DNAJC11: variants seen among roughly 807,000 people sequenced by gnomAD.
DNAJC11 encodes the protein DnaJ heat shock protein family (Hsp40) member C11, also known as dnaJ homolog subfamily C member 11.
DNAJC11 carries 15 observed loss-of-function variants against 78.6 expected under a neutral mutation model. The observed-to-expected ratio is 0.19, with a 90% CI of 0.13 to 0.29. The LOEUF is 0.29. Among genes scored for constraint, DNAJC11 ranks in the 10% least tolerant of loss-of-function variants. The pLI is 1.00. For synonymous variants in DNAJC11, 292 were observed against 272.1 expected, an observed-to-expected ratio of 1.07 and a Z score of -0.72; for missense variants, 547 against 709.6, an observed-to-expected ratio of 0.77 and a Z score of 2.60.
chr1:6,677,573 A>G (rs918885015), intron 3 of DNAJC11, among the ~76,000 whole-genome samples: 1 of 152,210 alleles, frequency 6.6e-6, no homozygotes, highest in Non-Finnish European at 1.5e-5. Flanking sequence ...TTAGGATTAC[A>G]GGTGTGAGCC....
chr1:6,685,352 C>G (rs149530829), intron 1 of DNAJC11, among the ~76,000 whole-genome samples: 224 of 152,300 alleles, frequency 1.5e-3, no homozygotes, highest in African/African-American at 5.0e-3. Context: ...CTTTTTCACT[C>G]TCATCCTTTC....
At chr1:6,654,235 C>A in intron 4 of DNAJC11, 196 bp from the exon 5 acceptor site, 1 of 508,520 alleles carries the variant, frequency 2.0e-6, no homozygotes, top group Non-Finnish European at 3.5e-6. Flanking sequence ...CAGAGCACCA[C>A]AGACGTCCAG....
At chr1:6,644,892 C>T in intron 9 of DNAJC11, 149 bp downstream of exon 9, 1 of 848,540 alleles carries the variant, frequency 1.2e-6, no homozygotes, top group Non-Finnish European at 2.0e-6. Flanking sequence ...AGTGTTAAAT[C>T]CCCCACAGCC....
At chr1:6,684,142 G>A (rs1252295242) in intron 1 of DNAJC11, among the ~76,000 whole-genome samples, 3 of 147,714 alleles carry the variant, frequency 2.0e-5, no homozygotes, top group Non-Finnish European at 4.4e-5. Flanking sequence ...GTGCAGTGCT[G>A]TGATCTCAGC....
In DNAJC11 at chr1:6,645,060, G is replaced by A. The variant is rs1641944510; in HGVS notation, c.961C>T (p.Arg321Cys). Residue 321 changes from arginine to cysteine, a missense_variant, in exon 9 of 16, where the codon CGT becomes TGT. By Grantham distance (180) the Arg-to-Cys change is radical (BLOSUM62 -3). Coordinates refer to ENST00000377577, the MANE Select transcript of DNAJC11 (RefSeq NM_018198.4). This position sits in a 1 kb window ranked among gnomAD's most constrained non-coding sequence, Gnocchi z 4.1. ...QHKFQDDDQT[R>C]VKGSLKAGFF... ...ACTTACTTGAGGGATCCTTTCACAC[G>A]AGTCTGATCGTCATCTTGGAATTTG... The A allele has an allele frequency of 2.5e-6, 4 of 1,614,020 alleles. No individual in the cohort carries two copies. Among genetic ancestry groups the A allele is most frequent in the Non-Finnish European group, 1.7e-6 (2 of 1,179,962 alleles).
At chr1:6,658,498 T>C (rs1642163359) in intron 4 of DNAJC11, among the ~76,000 whole-genome samples, 1 of 152,110 alleles carries the variant, frequency 6.6e-6, no homozygotes, top group Admixed American at 6.6e-5. Flanking sequence ...CATGTAAACA[T>C]GACAGAAGAA....
intron 4 of DNAJC11, among the ~76,000 whole-genome samples, chr1:6,659,945 A>G (rs1642183540): frequency 1.4e-5 from 2 of 147,926 alleles, no homozygotes; most frequent in African/African-American, 5.0e-5. Context: ...AGTTCCAGCT[A>G]CTCGGGAGGC....
Position 6,645,059 on chromosome 1 carries a change from C to T in DNAJC11, c.962G>A (p.Arg321His), listed in dbSNP as rs372201952. 7.4e-6 allele frequency: 12 copies of T among 1,613,948 alleles called. No homozygotes were observed. Among genetic ancestry groups the T allele is most frequent in the East Asian group, 2.2e-5 (1 of 44,886 alleles). Residue 321 changes from arginine (R) to histidine (H), a missense_variant, in exon 9 of 16, where the codon CGT (arginine) becomes CAT (histidine). Coordinates refer to ENST00000377577, the MANE Select transcript of DNAJC11 (RefSeq NM_018198.4). This position sits in a 1 kb window ranked among gnomAD's most constrained non-coding sequence, Gnocchi z 4.1. ...GACTTACTTGAGGGATCCTTTCACA[C>T]GAGTCTGATCGTCATCTTGGAATTT... ...QHKFQDDDQT[R>H]VKGSLKAGFF... is the part of the protein sequence containing the mutation.
intron 4 of DNAJC11, among the ~76,000 whole-genome samples, chr1:6,656,638 G>T (rs1019932883): frequency 6.6e-6 from 1 of 151,878 alleles, no homozygotes; most frequent in Non-Finnish European, 1.5e-5. Flanking sequence ...CAGTACTTTG[G>T]GAGGCTGAGG....
chr1:6,651,389 C>T, intron 7 of DNAJC11, 140 bp downstream of exon 7: 1 of 742,760 alleles, frequency 1.3e-6, no homozygotes, highest in Non-Finnish European at 2.3e-6. Flanking sequence ...CACGCCAGTG[C>T]TATACCTGCC....
In DNAJC11 at chr1:6,635,553, C is replaced by A; in HGVS notation, c.*122G>T. 2.8e-6 allele frequency: 3 copies of A among 1,085,206 alleles called. No homozygotes were observed. The allele number at this position is 1,085,206 out of a possible 1,614,324, so 67.2% of individuals were successfully genotyped here. A position where few individuals can be genotyped will look rare whatever the true frequency, so the allele number is the denominator to read the frequency against. ...TCCCTTCACATAATTGATAATGGTA[C>A]CACCTTCTATAATAATAATATAAAA... On this transcript the variant is annotated 3_prime_UTR_variant, in exon 16 of 16. Coordinates refer to ENST00000377577, the MANE Select transcript of DNAJC11 (RefSeq NM_018198.4).
chr1:6,680,678 C>T lies in DNAJC11; in HGVS notation c.202+230G>A, dbSNP rs1248133072. 6.6e-6 allele frequency among the ~76,000 whole-genome samples: 1 copy of T among 152,192 alleles called. No homozygotes were observed. The highest frequency in any genetic ancestry group is 2.4e-5 in the African/African-American group (1 of 41,448). ...CTTGAGTATTCCCTTGCAATTGAGA[C>T]TCTGTCTATTACCTCGCCCGGTCTC... On this transcript the variant is annotated intron_variant, in intron 2 of 15. Transcript: ENST00000377577. This position sits in a 1 kb window ranked among gnomAD's most constrained non-coding sequence, Gnocchi z 4.0.
chr1:6,697,151 G>A (rs886342380), intron 1 of DNAJC11, among the ~76,000 whole-genome samples: 1 of 152,170 alleles, frequency 6.6e-6, no homozygotes, highest in African/African-American at 2.4e-5. Flanking sequence ...TGTGCCCAGT[G>A]AGTGATAAAG....
rs1341841675 is a variant in DNAJC11 at position 6,646,710 on chromosome 1, A to G, written c.705-732T>C. ...AGTCCAGCCCCATCTTCTGGTTGAA[A>G]AGAGGTATTTCATTTTACTAACAGA... On this transcript the variant is annotated intron_variant, in intron 7 of 15. Coordinates refer to ENST00000377577, the MANE Select transcript of DNAJC11 (RefSeq NM_018198.4). 6.6e-5 allele frequency among the ~76,000 whole-genome samples: 10 copies of G among 152,274 alleles called. No individual in the cohort carries two copies. In the East Asian group the frequency reaches 1.5e-3, roughly 24 times the overall value.
chr1:6,640,783 C>G (rs1641863015), intron 10 of DNAJC11, among the ~76,000 whole-genome samples: 1 of 152,068 alleles, frequency 6.6e-6, no homozygotes, highest in Non-Finnish European at 1.5e-5. Context: ...TACCACAGCA[C>G]TCCAGCCTGG....
intron 10 of DNAJC11, among the ~76,000 whole-genome samples, chr1:6,642,894 G>A (rs1044258115): frequency 1.1e-4 from 17 of 152,186 alleles, no homozygotes; most frequent in Non-Finnish European, 2.4e-4. Flanking sequence ...CACTTGCAAC[G>A]TGAGTCCTCA....
chr1:6,634,567 A>G lies in DNAJC11; in HGVS notation c.*1108T>C, dbSNP rs760352886. 2 of 1,365,772 alleles carry G rather than the reference A, an allele frequency of 1.5e-6. No individual in the cohort carries two copies. The highest frequency in any genetic ancestry group is 2.0e-6 in the Non-Finnish European group (2 of 1,021,710). 84.6% of individuals were successfully genotyped at this position (1,365,772 alleles called of 1,614,324 possible). ...CGGCGCTTGCTCCGAGGGGTCAGCA[A>G]GAGCAACTGATGGCTGCCACTTCCA... On this transcript the variant is annotated 3_prime_UTR_variant, in exon 16 of 16. Coordinates refer to ENST00000377577, the MANE Select transcript of DNAJC11 (RefSeq NM_018198.4).
intron 10 of DNAJC11, among the ~76,000 whole-genome samples, chr1:6,643,008 A>T (rs959834261): frequency 6.6e-6 from 1 of 152,114 alleles, no homozygotes; most frequent in Non-Finnish European, 1.5e-5. Context: ...GGGAGACAGC[A>T]GCCATCTGGT....
rs1391022150 is a variant in DNAJC11 at position 6,639,977 on chromosome 1, G to C, written c.1178C>G (p.Thr393Ser). 1.2e-6 allele frequency: 2 copies of C among 1,613,306 alleles called. No individual in the cohort carries two copies. Among genetic ancestry groups the C allele is most frequent in the Admixed American group, 3.3e-5 (2 of 59,878 alleles). ...AAAGTAGACCACTAGAGGCCCCACG[G>C]TGGCATAGAACATGGCGCTGGGCAG... ...QLLPSAMFYA[T>S]VGPLVVYFAM... The change falls in exon 11 of 16, where the codon ACC becomes AGC. Residue 393 changes from threonine to serine, a missense_variant. Physicochemically the swap from Thr to Ser is moderately conservative, Grantham distance 58. Coordinates refer to ENST00000377577, the MANE Select transcript of DNAJC11 (RefSeq NM_018198.4).
Sources: allele counts gnomAD v4.1 joint callset (sites outside exome capture counted in the v4.1 genomes callset), GRCh38; gene constraint gnomAD v4.1.1; non-coding constraint Gnocchi (gnomAD v3.1); transcripts MANE v1.5; gene names NCBI Gene and HGNC (gene_info 2026-07-23, HGNC 2026-07-21).